Variants in DOCK4 observed in about 807,000 individuals in gnomAD.
The protein encoded by DOCK4 is dedicator of cytokinesis 4.
Under a neutral mutation model 268.1 loss-of-function variants are expected in DOCK4, and 97 were observed. That is an observed-to-expected ratio of 0.36 (90% confidence interval 0.31 to 0.43). The LOEUF (loss-of-function observed/expected upper bound fraction) is 0.43. Ranked by LOEUF, DOCK4 falls within the 20% of genes least tolerant of loss-of-function variation. DOCK4 has a pLI of 1.00. For missense variants in DOCK4, 2,145 were observed against 2,455.7 expected, an observed-to-expected ratio of 0.87 and a Z score of 2.67; for synonymous variants, 954 against 887.2, an observed-to-expected ratio of 1.08 and a Z score of -1.34.
intron 1 of DOCK4, among the ~76,000 whole-genome samples, chr7:112,059,547 T>C (rs568495212): frequency 8.5e-5 from 13 of 152,334 alleles, no homozygotes; most frequent in African/African-American, 2.2e-4. Flanking sequence ...TCATCCTATA[T>C]TTCCCTCCAT....
At position 111,747,461 on chromosome 7, in the gene DOCK4, A is replaced by G. The variant is rs1191511030; in HGVS notation, c.4417-18T>C. Reference sequence around the variant, plus strand: ...ATTTCTACCTGAGAAGCAAATGAACATAAATATATATTGAATTTGTGACAT... The same window carrying G: ...ATTTCTACCTGAGAAGCAAATGAACGTAAATATATATTGAATTTGTGACAT... On this transcript the variant is annotated intron_variant, in intron 42 of 52. Transcript: ENST00000428084. 2.6e-6 allele frequency: 4 copies of G among 1,557,808 alleles called. No individual in the cohort carries two copies. Among genetic ancestry groups the G allele is most frequent in the Non-Finnish European group, 3.5e-6 (4 of 1,152,060 alleles).
chr7:112,035,101 T>A (rs55963629), intron 1 of DOCK4, among the ~76,000 whole-genome samples: 74 of 152,092 alleles, frequency 4.9e-4, no homozygotes, highest in African/African-American at 1.7e-3. Flanking sequence ...GAGTTCTCCC[T>A]ACCCTCACAC....
chr7:112,199,522 G>A (rs1437614777), intron 1 of DOCK4, among the ~76,000 whole-genome samples: 1 of 152,112 alleles, frequency 6.6e-6, no homozygotes, highest in Non-Finnish European at 1.5e-5. Context: ...GAGAGTCCAA[G>A]AGTTGTTCCT....
At chr7:112,110,437 G>C (rs978864662) in intron 1 of DOCK4, among the ~76,000 whole-genome samples, 1 of 152,142 alleles carries the variant, frequency 6.6e-6, no homozygotes, top group East Asian at 1.9e-4. Flanking sequence ...ACATGACTAG[G>C]TATGCCAAAA....
intron 36 of DOCK4, 65 bp from the exon 37 acceptor site, chr7:111,769,742 C>T: frequency 6.5e-7 from 1 of 1,542,088 alleles, no homozygotes; most frequent in Non-Finnish European, 8.8e-7. Context: ...TCAAATGTGG[C>T]CAGTTTCCGA....
At chr7:111,809,010 C>T in intron 29 of DOCK4, 131 bp from the exon 30 acceptor site, 2 of 993,742 alleles carry the variant, frequency 2.0e-6, no homozygotes, top group Admixed American at 2.3e-5. Flanking sequence ...ATTTAATATA[C>T]ATGTCACGAT....
intron 1 of DOCK4, among the ~76,000 whole-genome samples, chr7:112,084,240 G>T (rs548782788): frequency 6.6e-6 from 1 of 152,316 alleles, no homozygotes; most frequent in African/African-American, 2.4e-5. Context: ...TTGTGGAATT[G>T]ATTTTTATGG....
intron 1 of DOCK4, among the ~76,000 whole-genome samples, chr7:112,022,618 G>T (rs1471471297): frequency 6.6e-6 from 1 of 152,176 alleles, no homozygotes; most frequent in Non-Finnish European, 1.5e-5. Flanking sequence ...AACAGTATTT[G>T]CCTCACAGGG....
intron 27 of DOCK4, among the ~76,000 whole-genome samples, chr7:111,814,281 A>T (rs1801376919): frequency 6.6e-6 from 1 of 152,208 alleles, no homozygotes; most frequent in Non-Finnish European, 1.5e-5. Context: ...GCTGGTAAAC[A>T]ACATGGAATC....
intron 29 of DOCK4, among the ~76,000 whole-genome samples, 165 bp downstream of exon 29, chr7:111,809,136 A>G (rs923412563): frequency 1.3e-5 from 2 of 152,222 alleles, no homozygotes; most frequent in African/African-American, 4.8e-5. Context: ...ATGTGCAAAC[A>G]TGTTTGAAAT....
chr7:111,793,649 A>T (rs1055158020), intron 30 of DOCK4, among the ~76,000 whole-genome samples: 3 of 152,224 alleles, frequency 2.0e-5, no homozygotes, highest in African/African-American at 7.2e-5. Context: ...ACACTGTATT[A>T]GGAAAAATAC....
chr7:111,758,452 C>T (rs1186211519), intron 41 of DOCK4, among the ~76,000 whole-genome samples, 172 bp downstream of exon 41: 1 of 152,168 alleles, frequency 6.6e-6, no homozygotes, highest in African/African-American at 2.4e-5. Flanking sequence ...GGGAGCACTC[C>T]ATGTCACTCT....
chr7:111,808,227 T>C (rs969213677), intron 30 of DOCK4: 1 of 152,224 alleles, frequency 6.6e-6, no homozygotes, highest in Admixed American at 6.5e-5. Flanking sequence ...TAAAACAATT[T>C]GTTTTCCAAA....
At chr7:112,151,716 T>C (rs1182069095) in intron 1 of DOCK4, among the ~76,000 whole-genome samples, 41 of 151,144 alleles carry the variant, frequency 2.7e-4, no homozygotes, top group Non-Finnish European at 4.4e-5. Context: ...TTTAAATGAA[T>C]GTCTCTTTTC....
At position 111,784,133 on chromosome 7, in the gene DOCK4, G is replaced by A. The variant is rs1277191646; in HGVS notation, c.3402-10C>T. ...ACCAAATAGTGGAATTCTAATCCAG[G>A]AAGCATTGACAAAGCAAATTGATTT... is the stretch of plus-strand genomic sequence containing the variant. On this transcript the variant is annotated splice_polypyrimidine_tract_variant and intron_variant, in intron 32 of 52. Transcript: ENST00000428084. 7 of 1,572,114 alleles carry A rather than the reference G, an allele frequency of 4.5e-6. No individual in the cohort carries two copies. The highest frequency in any genetic ancestry group is 5.2e-6 in the Non-Finnish European group (6 of 1,164,550).
At chr7:111,830,512 CCA>C (rs1029190820) in intron 26 of DOCK4, among the ~76,000 whole-genome samples, 1 of 152,234 alleles carries the variant, frequency 6.6e-6, no homozygotes, top group African/African-American at 2.4e-5. Flanking sequence ...TGCATTCACT[CCA>C]GTTATTTCTC....
intron 1 of DOCK4, among the ~76,000 whole-genome samples, chr7:112,112,264 TG>T (rs1811729504): frequency 6.6e-6 from 1 of 152,264 alleles, no homozygotes. Flanking sequence ...GCATCTCTTT[TG>T]CTCCCTCTCT....
In DOCK4 at chr7:111,872,329, G is replaced by T; in HGVS notation, c.1866C>A (p.Thr622=). 1.3e-6 allele frequency: 2 copies of T among 1,559,480 alleles called. No individual in the cohort carries two copies. Among genetic ancestry groups the T allele is most frequent in the Non-Finnish European group, 8.7e-7 (1 of 1,151,386 alleles). The change falls in exon 19 of 53, where the codon ACC becomes ACA. Residue 622 remains threonine, a synonymous_variant. Transcript: ENST00000428084. ...IVKFLQDTLD[T]LFGILDENSQ... is the part of the protein sequence containing the mutation. ...AATTTTCATCTAAAATTCCAAATAA[G>T]GTATCCAGTGTATCCTGCAGAAACT...
intron 1 of DOCK4, among the ~76,000 whole-genome samples, chr7:112,046,708 A>G (rs1804853809): frequency 6.6e-6 from 1 of 152,196 alleles, no homozygotes; most frequent in Admixed American, 6.5e-5. Context: ...GTTTTTCAAG[A>G]CAGCAGATTT....
Sources: gnomAD v4.1 joint callset for allele counts (sites outside exome capture counted in the v4.1 genomes callset) on GRCh38, gnomAD v4.1.1 for gene constraint, MANE v1.5 for transcripts, NCBI Gene and HGNC (gene_info 2026-07-23, HGNC 2026-07-21) for gene names.